The following TRIM16 variants were observed in gnomAD, a reference collection of about 807,000 sequenced individuals.
The protein encoded by TRIM16 is tripartite motif containing 16, also known as tripartite motif-containing protein 16.
TRIM16 carries 33 observed loss-of-function variants against 50.4 expected under a neutral mutation model. That is an observed-to-expected ratio of 0.65 (90% CI 0.50 to 0.88). The LOEUF is 0.88. Among genes scored for constraint, TRIM16 ranks in the 40% least tolerant of loss-of-function variants. The probability of loss-of-function intolerance (pLI) is 0.00; values close to 1 mark genes in which losing one functional copy is unlikely to be tolerated. For missense variants in TRIM16, 581 were observed against 686.8 expected (o/e 0.85, Z 1.72); for synonymous variants, 229 against 270.7 (o/e 0.85, Z 1.51).
At chr17:15,681,402 C>T (rs1361887918) in intron 3 of TRIM16, among the ~76,000 whole-genome samples, 1 of 152,234 alleles carries the variant, frequency 6.6e-6, no homozygotes, top group Non-Finnish European at 1.5e-5. Context: ...CACCTTTAGC[C>T]ACCCCATCGT....
chr17:15,637,668 T>G (rs1597611214), intron 8 of TRIM16, among the ~76,000 whole-genome samples: 8 of 134,314 alleles, frequency 6.0e-5, no homozygotes, highest in Admixed American at 7.2e-5. Flanking sequence ...GTCCGGGAGG[T>G]GAGGGGCGCC....
Position 15,628,999 on chromosome 17 carries a change from C to G in TRIM16, c.1311G>C (p.Gly437=). Residue 437 remains glycine (G), a synonymous_variant, in exon 12 of 12, where the codon GGG becomes GGC. Transcript: ENST00000649191. ...HRYYFEVEIF[G]AGTYVGLTCK... is the part of the protein sequence containing the mutation. Reference sequence around the variant, plus strand: ...AGGTCAGGCCAACATAGGTGCCTGCCCCGAAGATCTCCACCTCAAAATAGT... The same window carrying G: ...AGGTCAGGCCAACATAGGTGCCTGCGCCGAAGATCTCCACCTCAAAATAGT... The G allele has an allele frequency of 6.2e-7, 1 of 1,614,130 alleles. No individual in the cohort carries two copies. Among genetic ancestry groups the G allele is most frequent in the African/African-American group, 1.3e-5 (1 of 75,014 alleles).
At chr17:15,644,600 G>A (rs1987269676) in intron 7 of TRIM16, among the ~76,000 whole-genome samples, 2 of 152,190 alleles carry the variant, frequency 1.3e-5, no homozygotes, top group Admixed American at 6.5e-5. Flanking sequence ...AGGAGATCAG[G>A]GAGATGGGGC....
At chr17:15,643,014 G>A (rs1318174771) in intron 7 of TRIM16, 198 bp from the exon 8 acceptor site, 19 of 672,726 alleles carry the variant, frequency 2.8e-5, no homozygotes, top group African/African-American at 8.2e-5. Context: ...GTCAGCATGA[G>A]TCAGCGAAAA....
intron 6 of TRIM16, among the ~76,000 whole-genome samples, chr17:15,659,285 G>A (rs1988112366): frequency 6.6e-6 from 1 of 152,160 alleles, no homozygotes; most frequent in African/African-American, 2.4e-5. Context: ...CTGTTCTAGG[G>A]TTCTCTTTTG....
intron 6 of TRIM16, among the ~76,000 whole-genome samples, chr17:15,665,380 G>A (rs535950347): frequency 1.3e-5 from 2 of 152,238 alleles, no homozygotes; most frequent in African/African-American, 2.4e-5. Context: ...ATGGTGGTGG[G>A]TGCCTGTAGT....
intron 8 of TRIM16, among the ~76,000 whole-genome samples, chr17:15,638,985 G>T (rs1461231400): frequency 6.8e-6 from 1 of 147,832 alleles, no homozygotes; most frequent in African/African-American, 2.5e-5. Context: ...AAAGCAAGGG[G>T]TATCCCTACT....
intron 6 of TRIM16, among the ~76,000 whole-genome samples, chr17:15,673,690 A>G (rs953652834): frequency 6.6e-6 from 1 of 152,242 alleles, no homozygotes; most frequent in Non-Finnish European, 1.5e-5. Flanking sequence ...GGAAGATTTG[A>G]AAGAAAAAAA....
chr17:15,655,548 G>C (rs535812354), intron 6 of TRIM16, among the ~76,000 whole-genome samples: 1 of 151,934 alleles, frequency 6.6e-6, no homozygotes, highest in Non-Finnish European at 1.5e-5. Context: ...GTGGGCCCTA[G>C]CCTGGCCTGT....
At chr17:15,677,350 T>G in intron 5 of TRIM16, 70 bp from the exon 6 acceptor site, 4 of 959,006 alleles carry the variant, frequency 4.2e-6, no homozygotes, top group Non-Finnish European at 5.0e-6. Flanking sequence ...TCAGTCCCAC[T>G]CTGTTGCATT....
At chr17:15,637,115 TGGGGG>T (rs570385958) in intron 8 of TRIM16, among the ~76,000 whole-genome samples, 35 of 67,226 alleles carry the variant, frequency 5.2e-4, no homozygotes, top group East Asian at 3.4e-3. Context: ...GGGAGGGAGG[TGGGGG>T]GGGGGGGTCA....
rs199930596 is a variant in TRIM16 at position 15,628,832 on chromosome 17, C to T, written c.1478G>A (p.Arg493Gln). ...METPLKAGPF[R>Q]RLGVYIDFPG... ...GAAGTCGATATAGACCCCGAGCCTC[C>T]GGAAAGGGCCAGCTTTGAGTGGGGT... The change falls in exon 12 of 12, where the codon CGG becomes CAG. Residue 493 changes from arginine (R) to glutamine (Q), a missense_variant. Physicochemically the swap from Arg to Gln is conservative, Grantham distance 43. Around this residue, in one of 3 missense-constraint regions of TRIM16, gnomAD observed 115 missense variants for 106.7 expected, o/e 1.08. Coordinates refer to ENST00000649191, the MANE Select transcript of TRIM16 (RefSeq NM_001348119.1). 17 of 1,614,160 alleles carry T rather than the reference C, an allele frequency of 1.1e-5. No homozygotes were observed. The East Asian group carries it at 2.5e-4, about 23-fold the overall frequency.
intron 6 of TRIM16, chr17:15,675,448 T>C (rs1168954939): frequency 1.8e-5 from 3 of 168,026 alleles, no homozygotes; most frequent in African/African-American, 4.8e-5. Flanking sequence ...CACATTTATG[T>C]GACAGAACTC....
chr17:15,632,051 G>A (rs990103646), intron 10 of TRIM16: 7 of 363,156 alleles, frequency 1.9e-5, no homozygotes, highest in African/African-American at 4.2e-5. Context: ...TCATCGAGAT[G>A]AGAGTCCATT....
intron 6 of TRIM16, among the ~76,000 whole-genome samples, chr17:15,666,740 A>C (rs1044804621): frequency 6.6e-6 from 1 of 152,264 alleles, no homozygotes; most frequent in African/African-American, 2.4e-5. Context: ...GGTGCGTATC[A>C]GTAGCCTGTT....
chr17:15,676,399 A>G (rs951147727), intron 6 of TRIM16, among the ~76,000 whole-genome samples: 12 of 149,404 alleles, frequency 8.0e-5, no homozygotes, highest in African/African-American at 3.0e-4. Context: ...CCATTCACCT[A>G]CACATCCAGA....
Position 15,629,159 on chromosome 17 carries a change from T to G in TRIM16, c.1151A>C (p.Lys384Thr), listed in dbSNP as rs775697716. The stretch of plus-strand genomic sequence containing the variant: ...GTTCTCCTCCTGCAGCCGGAGATAC[T>G]TGTGTGCTGTGTCCGGGTCAAACGT... ...DITFDPDTAH[K>T]YLRLQEENRK... Residue 384 changes from lysine to threonine, a missense_variant, in exon 12 of 12, where the codon AAG becomes ACG. Lys to Thr is a moderately conservative substitution (Grantham distance 78). Around this residue, in one of 3 missense-constraint regions of TRIM16, gnomAD observed 450 missense variants for 544.3 expected, o/e 0.83. Coordinates refer to ENST00000649191, the MANE Select transcript of TRIM16 (RefSeq NM_001348119.1). 6.2e-7 allele frequency: 1 copy of G among 1,612,492 alleles called. No individual in the cohort carries two copies. Among genetic ancestry groups the G allele is most frequent in the East Asian group, 2.2e-5 (1 of 44,850 alleles).
At position 15,642,901 on chromosome 17, in the gene TRIM16, G is replaced by A. The variant is rs1230202444; in HGVS notation, c.520-85C>T. The A allele has an allele frequency of 1.2e-5, 5 of 414,878 alleles. 1 individual carries two copies. Among genetic ancestry groups the A allele is most frequent in the South Asian group, 4.9e-5 (2 of 40,980 alleles). 25.7% of individuals were successfully genotyped at this position (414,878 alleles called of 1,614,324 possible). A position where few individuals can be genotyped will look rare whatever the true frequency, so the allele number is the denominator to read the frequency against. ...GGCACTCTCCAGCCCTGACATCCCCGCCCTTCTTCCCTGGAAAGAAGTTTA... is the reference window on the plus strand; with the variant it reads ...GGCACTCTCCAGCCCTGACATCCCCACCCTTCTTCCCTGGAAAGAAGTTTA... On this transcript the variant is annotated intron_variant, in intron 7 of 11. Transcript: ENST00000649191.
At chr17:15,668,304 A>C (rs184253310) in intron 6 of TRIM16, among the ~76,000 whole-genome samples, 1 of 152,176 alleles carries the variant, frequency 6.6e-6, no homozygotes, top group Admixed American at 6.5e-5. Flanking sequence ...TCACTGCCTG[A>C]AAATAGTTGT....
Sources: allele counts gnomAD v4.1 joint callset (sites outside exome capture counted in the v4.1 genomes callset), GRCh38; gene constraint gnomAD v4.1.1; regional missense constraint gnomAD v4.1.1; transcripts MANE v1.5; gene names NCBI Gene and HGNC (gene_info 2026-07-23, HGNC 2026-07-21).